DDX55: variants seen among roughly 807,000 people sequenced by gnomAD.
DDX55 encodes ATP-dependent RNA helicase DDX55.
In DDX55, 56 loss-of-function variants were observed where a neutral mutation model predicts 69.2. The observed-to-expected ratio is 0.81, with a 90% CI of 0.65 to 1.01. The LOEUF (loss-of-function observed/expected upper bound fraction) is 1.01. Among genes scored for constraint, DDX55 ranks in the 50% least tolerant of loss-of-function variants. DDX55 has a pLI of 0.00. For synonymous variants in DDX55, 268 were observed against 273.1 expected, an observed-to-expected ratio of 0.98 and a Z score of 0.18; for missense variants, 720 against 745.1, an observed-to-expected ratio of 0.97 and a Z score of 0.39.
intron 5 of DDX55, 45 bp downstream of exon 5, chr12:123,607,707 T>C: frequency 6.2e-7 from 1 of 1,613,840 alleles, no homozygotes. Flanking sequence ...GCTTTTGGCA[T>C]TGAACCTAAG....
At chr12:123,614,427 C>T (rs774008315) in intron 8 of DDX55, among the ~76,000 whole-genome samples, 3 of 152,186 alleles carry the variant, frequency 2.0e-5, no homozygotes, top group Middle Eastern at 3.2e-3. Context: ...TCTGGTTCTG[C>T]CACTTACTCT....
intron 10 of DDX55, among the ~76,000 whole-genome samples, chr12:123,617,071 G>A (rs1954729694): frequency 6.6e-6 from 1 of 152,188 alleles, no homozygotes; most frequent in Non-Finnish European, 1.5e-5. Context: ...AATCGCTTGA[G>A]CGCAGGAGGC....
Position 123,606,303 on chromosome 12 carries a change from A to G in DDX55, c.246+144A>G, listed in dbSNP as rs371594040. 1.5e-3 allele frequency: 1,506 copies of G among 997,718 alleles called. 30 individuals are homozygous for G. In the South Asian group the frequency reaches 0.024, roughly 16 times the overall value. 61.8% of individuals were successfully genotyped at this position (997,718 alleles called of 1,614,324 possible). ...CAGCACTTTGGGAGACTGAGTCTGG[A>G]GGATCACTGGAGTCCAGGAGTTTGA... On this transcript the variant is annotated intron_variant, in intron 3 of 13. Coordinates refer to ENST00000238146, the MANE Select transcript of DDX55 (RefSeq NM_020936.3).
Position 123,602,178 on chromosome 12 carries a change from G to T in DDX55, c.30G>T (p.Glu10Asp). 6.4e-7 allele frequency: 1 copy of T among 1,565,202 alleles called. No individual in the cohort carries two copies. Among genetic ancestry groups the T allele is most frequent in the East Asian group, 2.4e-5 (1 of 42,272 alleles). Residue 10 changes from glutamate to aspartate, a missense_variant, in exon 1 of 14, where the codon GAG becomes GAT. Glu to Asp is a conservative substitution (Grantham distance 45, BLOSUM62 2). Coordinates refer to ENST00000238146, the MANE Select transcript of DDX55 (RefSeq NM_020936.3). Reference protein sequence around the residue: MEHVTEGSWESLPVPLHPQV... With the variant: MEHVTEGSWDSLPVPLHPQV... ...AGCATGTGACAGAGGGCTCCTGGGA[G>T]TCGCTGCCTGTGCCGCTGCACCCGC...
chr12:123,609,378 T>C (rs1287160576), intron 6 of DDX55, among the ~76,000 whole-genome samples: 1 of 150,070 alleles, frequency 6.7e-6, no homozygotes, highest in Non-Finnish European at 1.5e-5. Flanking sequence ...AAGTTTTTTT[T>C]TTTTTTTTTT....
rs1219474446 is a variant in DDX55 at position 123,607,673 on chromosome 12, T to G, written c.401+11T>G. On this transcript the variant is annotated intron_variant, in intron 5 of 13. Coordinates refer to ENST00000238146, the MANE Select transcript of DDX55 (RefSeq NM_020936.3). The stretch of plus-strand genomic sequence containing the variant: ...GTTTAAGCAACAAGGGTGAGTTTGC[T>G]CGTGTCTGCTTGTTTCTTTGCTTGC... The G allele has an allele frequency of 6.2e-7, 1 of 1,614,130 alleles. No homozygotes were observed. Among genetic ancestry groups the G allele is most frequent in the African/African-American group, 1.3e-5 (1 of 75,036 alleles).
Position 123,605,977 on chromosome 12 carries a change from A to G in DDX55, c.155A>G (p.Glu52Gly), listed in dbSNP as rs1190448544. The G allele has an allele frequency of 6.2e-7, 1 of 1,614,060 alleles. No homozygotes were observed. Among genetic ancestry groups the G allele is most frequent in the Non-Finnish European group, 8.5e-7 (1 of 1,180,048 alleles). The change falls in exon 2 of 14, where the codon GAA (glutamate) becomes GGA (glycine). Residue 52 changes from glutamate to glycine, a missense_variant. Coordinates refer to ENST00000238146, the MANE Select transcript of DDX55 (RefSeq NM_020936.3). ...LFMRNKDVAAEAVTGSGKTLA... is the reference protein window; with the variant it reads ...LFMRNKDVAAGAVTGSGKTLA... ...ATGCGAAACAAAGATGTCGCTGCAG[A>G]AGCGGTGAGTGCCTCGGGTATGTGC...
chr12:123,603,070 A>G (rs1953666895), intron 1 of DDX55, among the ~76,000 whole-genome samples: 2 of 152,322 alleles, frequency 1.3e-5, no homozygotes, highest in South Asian at 2.1e-4. Context: ...CTGAACATCA[A>G]GAGTAGTGTA....
At chr12:123,615,798 C>T (rs183046772) in intron 9 of DDX55, among the ~76,000 whole-genome samples, 7 of 152,266 alleles carry the variant, frequency 4.6e-5, no homozygotes, top group Admixed American at 2.0e-4. Context: ...TCCTGGCTAA[C>T]GTGGTGAAAC....
chr12:123,607,625 A>G lies in DDX55; in HGVS notation c.364A>G (p.Asn122Asp). 2.5e-6 allele frequency: 4 copies of G among 1,614,176 alleles called. No homozygotes were observed. The highest frequency in any genetic ancestry group is 3.4e-6 in the Non-Finnish European group (4 of 1,180,040). The change falls in exon 5 of 14, where the codon AAT becomes GAT. Residue 122 changes from asparagine (N) to aspartate (D), a missense_variant. Asn to Asp is a conservative substitution (Grantham distance 23). Transcript: ENST00000238146. ...FSQILWIGGR[N>D]PGEDVERFKQ... ...CCAGATTCTTTGGATCGGAGGCAGG[A>G]ATCCTGGAGAAGATGTTGAGAGGTT...
chr12:123,615,053 T>C lies in DDX55; in HGVS notation c.825-132T>C. On this transcript the variant is annotated intron_variant, in intron 8 of 13. Coordinates refer to ENST00000238146, the MANE Select transcript of DDX55 (RefSeq NM_020936.3). ...GTTGTGGATGATTTCCACTGCCATT[T>C]TCCTTGTCATTCCCCTAGGGAGGGC... is the stretch of plus-strand genomic sequence containing the variant. The C allele has an allele frequency of 3.2e-6, 4 of 1,241,072 alleles. No individual in the cohort carries two copies. In the South Asian group the frequency reaches 5.6e-5, roughly 17 times the overall value. The allele number at this position is 1,241,072 out of a possible 1,614,324, so 76.9% of individuals were successfully genotyped here.
chr12:123,616,627 C>G, intron 10 of DDX55, 24 bp downstream of exon 10: 2 of 1,605,574 alleles, frequency 1.2e-6, no homozygotes, highest in Non-Finnish European at 1.7e-6. Flanking sequence ...CTGCCACCCA[C>G]TCTCTGTTGA....
At chr12:123,614,123 G>A (rs1195281897) in intron 8 of DDX55, among the ~76,000 whole-genome samples, 1 of 152,078 alleles carries the variant, frequency 6.6e-6, no homozygotes, top group African/African-American at 2.4e-5. Flanking sequence ...ATAAAACAAA[G>A]GTTTTCATGA....
At chr12:123,604,385 T>A (rs1000219779) in intron 1 of DDX55, among the ~76,000 whole-genome samples, 18 of 152,154 alleles carry the variant, frequency 1.2e-4, no homozygotes, top group Admixed American at 4.6e-4. Flanking sequence ...ATCACAAAAA[T>A]TTTTTTTAAA....
At chr12:123,610,167 C>T (rs774878824) in intron 7 of DDX55, 39 bp downstream of exon 7, 1 of 1,586,808 alleles carries the variant, frequency 6.3e-7, no homozygotes, top group Non-Finnish European at 8.6e-7. Context: ...GCGATAATGA[C>T]CAGTGCTCAT....
chr12:123,607,920 G>T (rs1316815102), intron 5 of DDX55: 2 of 530,798 alleles, frequency 3.8e-6, no homozygotes, highest in African/African-American at 1.9e-5. Context: ...AGGGGCTGGG[G>T]GATGGTGAGG....
rs2135691781 is a variant in DDX55 at position 123,606,055 on chromosome 12, A to G, written c.160-18A>G. On this transcript the variant is annotated intron_variant, in intron 2 of 13. Coordinates refer to ENST00000238146, the MANE Select transcript of DDX55 (RefSeq NM_020936.3). ...GAACTCTGAGGAAGAAAGGGAAACC[A>G]AAACTCTCTGTTTGCAGGTCACAGG... 6.7e-7 allele frequency: 1 copy of G among 1,498,732 alleles called. No homozygotes were observed. The highest frequency in any genetic ancestry group is 2.5e-5 in the East Asian group (1 of 39,920). The allele number at this position is 1,498,732 out of a possible 1,614,324, so 92.8% of individuals were successfully genotyped here.
At chr12:123,619,790 AT>A in intron 13 of DDX55, 66 bp downstream of exon 13, 1 of 1,522,310 alleles carries the variant, frequency 6.6e-7, no homozygotes, top group African/African-American at 1.4e-5. Flanking sequence ...AGTTCTTTAA[AT>A]AGGAATTGTG....
chr12:123,615,580 C>T (rs1451464269), intron 9 of DDX55, among the ~76,000 whole-genome samples: 1 of 152,208 alleles, frequency 6.6e-6, no homozygotes, highest in Non-Finnish European at 1.5e-5. Context: ...ACACAGGAGT[C>T]CTGTGTATTG....
Sources: gnomAD v4.1 joint callset for allele counts (sites outside exome capture counted in the v4.1 genomes callset) on GRCh38, gnomAD v4.1.1 for gene constraint, MANE v1.5 for transcripts, NCBI Gene and HGNC (gene_info 2026-07-23, HGNC 2026-07-21) for gene names.